PRPSAP2: variants seen among roughly 807,000 people sequenced by gnomAD.
PRPSAP2 encodes phosphoribosyl pyrophosphate synthetase associated protein 2.
Under a neutral mutation model 40.6 loss-of-function variants are expected in PRPSAP2, and 24 were observed. The observed-to-expected ratio is 0.59, with a 90% confidence interval of 0.43 to 0.83. The LOEUF (loss-of-function observed/expected upper bound fraction) is 0.83. PRPSAP2 is among the 40% of genes least tolerant of loss of function. PRPSAP2 has a pLI of 0.00. For synonymous variants in PRPSAP2, 149 were observed against 164.7 expected (o/e 0.90, Z 0.73); for missense variants, 292 against 465.6 (o/e 0.63, Z 3.43).
At chr17:18,901,856 AC>A (rs1326173785) in intron 8 of PRPSAP2, among the ~76,000 whole-genome samples, 1 of 152,098 alleles carries the variant, frequency 6.6e-6, no homozygotes, top group African/African-American at 2.4e-5. Context: ...ACCACGGCTC[AC>A]TGTAGCCTCC....
At chr17:18,906,203 A>ATTGT (rs112612533) in intron 8 of PRPSAP2, among the ~76,000 whole-genome samples, 11,678 of 151,746 alleles carry the variant, frequency 0.077, 481 homozygotes, top group Middle Eastern at 0.11. Context: ...TGTGTCTGAG[A>ATTGT]TTGTTTGTTT....
At chr17:18,886,752 C>T (rs1010775820) in intron 7 of PRPSAP2, among the ~76,000 whole-genome samples, 1 of 151,978 alleles carries the variant, frequency 6.6e-6, no homozygotes, top group Admixed American at 6.6e-5. Flanking sequence ...CACAGTTTGA[C>T]CTACTGGTAG....
Position 18,930,540 on chromosome 17 carries a change from G to A in PRPSAP2, c.952G>A (p.Val318Met). The change falls in exon 12 of 12, where the codon GTG (valine) becomes ATG (methionine). Residue 318 changes from valine (V) to methionine (M), a missense_variant and splice_region_variant. Val to Met is a conservative substitution (Grantham distance 21). Around this residue, in one of 2 missense-constraint regions of PRPSAP2, gnomAD observed 241 missense variants for 425.7 expected, o/e 0.57. Coordinates refer to ENST00000268835, the MANE Select transcript of PRPSAP2 (RefSeq NM_002767.4). ...RRIEESAIDEVVVTNTIPHEV... is the reference protein window; with the variant it reads ...RRIEESAIDEMVVTNTIPHEV... ...TGGTTTTTTTTCTTTTGCTTCACAG[G>A]TGGTGGTCACCAATACAATTCCACA... 1 of 1,611,592 alleles carries A rather than the reference G, an allele frequency of 6.2e-7. No homozygotes were observed. The highest frequency in any genetic ancestry group is 1.1e-5 in the South Asian group (1 of 90,726).
chr17:18,918,767 A>G (rs1273913838), intron 9 of PRPSAP2, among the ~76,000 whole-genome samples: 5 of 152,186 alleles, frequency 3.3e-5, no homozygotes, highest in African/African-American at 1.2e-4. Flanking sequence ...GCTCCTGCAC[A>G]CTGGGAACGG....
chr17:18,879,028 C>G (rs934619182), intron 6 of PRPSAP2, among the ~76,000 whole-genome samples: 18 of 151,882 alleles, frequency 1.2e-4, no homozygotes, highest in African/African-American at 4.1e-4. Flanking sequence ...TGCCACCACA[C>G]TCAGCTAATT....
chr17:18,879,062 G>GT (rs772247976), intron 6 of PRPSAP2, among the ~76,000 whole-genome samples: 62 of 152,102 alleles, frequency 4.1e-4, no homozygotes, highest in Middle Eastern at 3.4e-3. Flanking sequence ...TAGAGATGGG[G>GT]TTTTGCCATG....
intron 8 of PRPSAP2, among the ~76,000 whole-genome samples, chr17:18,898,962 C>T (rs905988289): frequency 3.3e-5 from 5 of 151,738 alleles, no homozygotes; most frequent in Admixed American, 2.6e-4. Flanking sequence ...AGTGCAATGG[C>T]GTGATCTTGG....
intron 5 of PRPSAP2, among the ~76,000 whole-genome samples, chr17:18,873,358 C>T (rs1222573186): frequency 6.6e-6 from 1 of 151,910 alleles, no homozygotes; most frequent in East Asian, 1.9e-4. Flanking sequence ...AGGCATGTGT[C>T]ACCACGCCCG....
intron 8 of PRPSAP2, among the ~76,000 whole-genome samples, chr17:18,897,613 C>A (rs747332287): frequency 3.9e-4 from 60 of 152,082 alleles, no homozygotes; most frequent in Non-Finnish European, 7.8e-4. Context: ...AGGCTCCCAT[C>A]TTCACACCCA....
intron 9 of PRPSAP2, among the ~76,000 whole-genome samples, chr17:18,916,376 A>AT (rs1160254744): frequency 0.085 from 11,655 of 137,692 alleles, 558 homozygotes; most frequent in Middle Eastern, 0.14. Flanking sequence ...TAGACTTGGT[A>AT]TTTTTTTTTT....
chr17:18,919,228 G>A (rs995862168), intron 9 of PRPSAP2, among the ~76,000 whole-genome samples: 1 of 152,104 alleles, frequency 6.6e-6, no homozygotes, highest in African/African-American at 2.4e-5. Flanking sequence ...TAGCCAGGCG[G>A]CTGGGCGCAG....
chr17:18,905,741 C>T lies in PRPSAP2; in HGVS notation c.585-5362C>T, dbSNP rs567451859. Among the ~76,000 whole-genome samples, 13 of 152,164 alleles carry T rather than the reference C, an allele frequency of 8.5e-5. No individual in the cohort carries two copies. The East Asian group carries it at 1.7e-3, about 20-fold the overall frequency. On this transcript the variant is annotated intron_variant, in intron 8 of 11. Transcript: ENST00000268835. Reference sequence around the variant, plus strand: ...GATTACAGGCATGTGCCACCACACCCGGCTAATTTGTTTGTGTTTTTAGTA... The same window carrying T: ...GATTACAGGCATGTGCCACCACACCTGGCTAATTTGTTTGTGTTTTTAGTA...
chr17:18,913,868 A>G (rs2041125754), intron 9 of PRPSAP2, among the ~76,000 whole-genome samples: 1 of 150,846 alleles, frequency 6.6e-6, no homozygotes, highest in East Asian at 2.0e-4. Flanking sequence ...ATCCATACTA[A>G]TCTCCTTATC....
intron 7 of PRPSAP2, among the ~76,000 whole-genome samples, chr17:18,884,600 A>C (rs1390083093): frequency 6.6e-6 from 1 of 152,170 alleles, no homozygotes; most frequent in East Asian, 1.9e-4. Flanking sequence ...TCAGCCTCCC[A>C]AAACAGTGTG....
intron 8 of PRPSAP2, among the ~76,000 whole-genome samples, chr17:18,906,447 C>T (rs1003094837): frequency 2.0e-5 from 3 of 152,190 alleles, no homozygotes; most frequent in Admixed American, 1.3e-4. Flanking sequence ...ATCTCTTGAC[C>T]TTGCGATCCA....
chr17:18,913,059 T>G (rs1437238304), intron 9 of PRPSAP2, among the ~76,000 whole-genome samples: 3 of 152,230 alleles, frequency 2.0e-5, no homozygotes, highest in Non-Finnish European at 4.4e-5. Context: ...TGGATTCTCA[T>G]GCCTGCATCT....
intron 8 of PRPSAP2, among the ~76,000 whole-genome samples, chr17:18,910,626 C>G (rs2040903179): frequency 6.6e-6 from 1 of 152,116 alleles, no homozygotes; most frequent in Admixed American, 6.6e-5. Context: ...GCACATACAG[C>G]CTTCAGAGCT....
intron 5 of PRPSAP2, among the ~76,000 whole-genome samples, chr17:18,875,083 C>T (rs1420339289): frequency 6.6e-6 from 1 of 152,112 alleles, no homozygotes; most frequent in East Asian, 1.9e-4. Flanking sequence ...ATCCTGTGCC[C>T]CTGTCTTTTG....
chr17:18,869,498 A>T (rs1459266865), intron 4 of PRPSAP2, among the ~76,000 whole-genome samples: 1 of 146,700 alleles, frequency 6.8e-6, no homozygotes, highest in African/African-American at 2.5e-5. Context: ...CCATGCTGCC[A>T]GGCTATTTTT....
Sources: gnomAD v4.1 joint callset for allele counts (sites outside exome capture counted in the v4.1 genomes callset) on GRCh38, gnomAD v4.1.1 for gene constraint, gnomAD v4.1.1 regional missense constraint, MANE v1.5 for transcripts, NCBI Gene and HGNC (gene_info 2026-07-23, HGNC 2026-07-21) for gene names.